Variants in PDE4D observed in about 807,000 individuals in gnomAD.
PDE4D encodes the protein phosphodiesterase 4D.
A neutral mutation model predicts 87.4 loss-of-function variants in PDE4D; 24 were observed. That is an observed-to-expected ratio of 0.27 (90% CI 0.20 to 0.39). The LOEUF is 0.39. Among genes scored for constraint, PDE4D ranks in the 10% least tolerant of loss-of-function variants. The probability of loss-of-function intolerance (pLI) is 1.00; values close to 1 mark genes in which losing one functional copy is unlikely to be tolerated. For synonymous variants in PDE4D, 384 were observed against 383.2 expected (o/e 1.00, Z -0.02); for missense variants, 714 against 1,041.0 (o/e 0.69, Z 4.32).
chr5:60,510,633 G>T (rs917775281), intron 1 of PDE4D, among the ~76,000 whole-genome samples: 1 of 152,202 alleles, frequency 6.6e-6, no homozygotes, highest in Non-Finnish European at 1.5e-5. Flanking sequence ...GATACAGCTG[G>T]AAGGGCAAGA....
At chr5:59,446,000 T>C (rs1316840493) in intron 1 of PDE4D, among the ~76,000 whole-genome samples, 1 of 152,144 alleles carries the variant, frequency 6.6e-6, no homozygotes, top group Non-Finnish European at 1.5e-5. Flanking sequence ...CCCCAGTAAC[T>C]AAATAACTGA....
At chr5:59,776,300 A>C (rs1335491846) in intron 1 of PDE4D, among the ~76,000 whole-genome samples, 1 of 152,178 alleles carries the variant, frequency 6.6e-6, no homozygotes, top group Non-Finnish European at 1.5e-5. Flanking sequence ...TAACTTAACT[A>C]AGGTTTAATA....
intron 5 of PDE4D, among the ~76,000 whole-genome samples, chr5:59,155,620 T>C (rs571585476): frequency 6.6e-6 from 1 of 152,244 alleles, no homozygotes; most frequent in Admixed American, 6.5e-5. Flanking sequence ...CTGTGTATTG[T>C]TTTTAAGATT....
intron 1 of PDE4D, among the ~76,000 whole-genome samples, chr5:59,739,700 C>G (rs964535427): frequency 6.6e-6 from 1 of 152,160 alleles, no homozygotes; most frequent in Non-Finnish European, 1.5e-5. Context: ...AAGCAGAACA[C>G]GATGTCACCT....
intron 2 of PDE4D, among the ~76,000 whole-genome samples, chr5:60,055,952 G>T (rs368162721): frequency 3.3e-5 from 5 of 152,144 alleles, no homozygotes; most frequent in African/African-American, 9.6e-5. Flanking sequence ...AGGAAGGGAA[G>T]AAAGGAAAGA....
At chr5:59,903,480 T>C (rs1752501787) in intron 3 of PDE4D, among the ~76,000 whole-genome samples, 1 of 152,114 alleles carries the variant, frequency 6.6e-6, no homozygotes, top group Non-Finnish European at 1.5e-5. Flanking sequence ...GTGAAAGGGA[T>C]AAGACAGAGC....
chr5:59,111,807 G>T (rs186784841), intron 5 of PDE4D, among the ~76,000 whole-genome samples: 2 of 152,300 alleles, frequency 1.3e-5, no homozygotes, highest in Admixed American at 1.3e-4. Flanking sequence ...CAAATCATCT[G>T]TGTAACAGAA....
chr5:59,320,310 T>C (rs1230788492), intron 1 of PDE4D, among the ~76,000 whole-genome samples: 5 of 152,022 alleles, frequency 3.3e-5, no homozygotes, highest in Admixed American at 2.6e-4. Flanking sequence ...CTTAGAATAG[T>C]GCCTGGCACT....
At chr5:59,735,447 C>A (rs1486763809) in intron 1 of PDE4D, among the ~76,000 whole-genome samples, 1 of 152,148 alleles carries the variant, frequency 6.6e-6, no homozygotes, top group Non-Finnish European at 1.5e-5. Flanking sequence ...GGGGATCCTT[C>A]TGCCTCAATT....
At chr5:60,362,855 C>T (rs1437886873) in intron 1 of PDE4D, among the ~76,000 whole-genome samples, 1 of 145,348 alleles carries the variant, frequency 6.9e-6, no homozygotes, top group African/African-American at 2.6e-5. Flanking sequence ...AACAAGACTC[C>T]ATCTCAAGAA....
In PDE4D at chr5:59,444,143, T is replaced by G. The variant is rs921070663; in HGVS notation, c.456-228175A>C. 3.3e-5 allele frequency among the ~76,000 whole-genome samples: 5 copies of G among 152,206 alleles called. 1 individual carries two copies. Among genetic ancestry groups the G allele is most frequent in the South Asian group, 2.1e-4 (1 of 4,832 alleles). ...TAGAAGATCATGATAGTCAGGGTAC[T>G]TGTCTTTTTTGCTTTGGGCTATTCA... On this transcript the variant is annotated intron_variant, in intron 1 of 14. Coordinates refer to ENST00000340635, the MANE Select transcript of PDE4D (RefSeq NM_001104631.2).
chr5:59,959,415 C>T (rs772262661), intron 3 of PDE4D, among the ~76,000 whole-genome samples: 4 of 151,950 alleles, frequency 2.6e-5, no homozygotes, highest in Non-Finnish European at 5.9e-5. Flanking sequence ...CAAAGCAATC[C>T]TAAAGAAAAA....
intron 1 of PDE4D, among the ~76,000 whole-genome samples, chr5:59,702,356 G>A (rs531059482): frequency 7.2e-5 from 11 of 152,186 alleles, no homozygotes; most frequent in African/African-American, 2.6e-4. Flanking sequence ...TCGATCTCCT[G>A]ACCTTGTGAT....
chr5:59,996,161 A>C (rs183489825), intron 2 of PDE4D, among the ~76,000 whole-genome samples: 63 of 152,320 alleles, frequency 4.1e-4, no homozygotes, highest in Non-Finnish European at 8.5e-4. Context: ...TTAAATAAGA[A>C]TGAAGGATTT....
At position 58,971,219 on chromosome 5, in the gene PDE4D, C is replaced by T. The variant is rs1742543459; in HGVS notation, c.*3445G>A. On this transcript the variant is annotated 3_prime_UTR_variant, in exon 15 of 15. Transcript: ENST00000340635. ...TAAGGCACAGCCCTGGGACCAAAGA[C>T]CTGCAGCTATGTTTTTTTAAATTTA... is the stretch of plus-strand genomic sequence containing the variant. 1 of 152,272 alleles carries T rather than the reference C, an allele frequency of 6.6e-6. No homozygotes were observed. The highest frequency in any genetic ancestry group is 2.4e-5 in the African/African-American group (1 of 41,448). 9.4% of individuals were successfully genotyped at this position (152,272 alleles called of 1,614,324 possible). A position where few individuals can be genotyped will look rare whatever the true frequency, so the allele number is the denominator to read the frequency against.
chr5:59,027,906 A>G lies in PDE4D; in HGVS notation c.921+10953T>C, dbSNP rs1580381398. ...GGTAGCTTCTAGACCCTCTCGGCTG[A>G]TAGAGCAAGGAAATATTTGTGTGTA... On this transcript the variant is annotated intron_variant, in intron 6 of 14. Transcript: ENST00000340635. Among the ~76,000 whole-genome samples the G allele has an allele frequency of 2.0e-5, 3 of 152,046 alleles. 1 individual carries two copies. The South Asian group carries it at 6.2e-4, about 32-fold the overall frequency.
At position 60,308,947 on chromosome 5, in the gene PDE4D, A is replaced by G. The variant is rs989234240; in HGVS notation, c.-89-123260T>C. Among the ~76,000 whole-genome samples the G allele has an allele frequency of 5.3e-5, 8 of 152,254 alleles. No individual in the cohort carries two copies. In the East Asian group the frequency reaches 5.8e-4, roughly 11 times the overall value. ...TGATAAACTCTTCTCCGAAAAATAT[A>G]AATTGGCAGATTACAACCAAGTAGA... is the stretch of plus-strand genomic sequence containing the variant. On this transcript the variant is annotated intron_variant, in intron 1 of 16. Coordinates refer to the PDE4D transcript ENST00000502484.
chr5:59,108,745 C>T (rs4700320), intron 5 of PDE4D, among the ~76,000 whole-genome samples: 15 of 151,580 alleles, frequency 9.9e-5, no homozygotes, highest in East Asian at 1.9e-4. Context: ...AATACAACAA[C>T]GACAAAAAAT....
chr5:59,561,446 T>C (rs1819959688), intron 1 of PDE4D, among the ~76,000 whole-genome samples: 1 of 152,234 alleles, frequency 6.6e-6, no homozygotes, highest in African/African-American at 2.4e-5. Flanking sequence ...TTTCTTGTCT[T>C]AGTAAAGCAA....
Sources: gnomAD v4.1 joint callset for allele counts (sites outside exome capture counted in the v4.1 genomes callset) on GRCh38, gnomAD v4.1.1 for gene constraint, MANE v1.5 for transcripts, NCBI Gene and HGNC (gene_info 2026-07-23, HGNC 2026-07-21) for gene names.